CDH8: variants seen among roughly 807,000 people sequenced by gnomAD.
CDH8 encodes the protein cadherin 8.
In CDH8, 17 loss-of-function variants were observed where a neutral mutation model predicts 68.1. The ratio of observed to expected loss-of-function variants is 0.25; its 90% CI spans 0.17 to 0.37. The LOEUF (loss-of-function observed/expected upper bound fraction) is 0.37. CDH8 is among the 10% of genes least tolerant of loss of function. The pLI is 1.00. For synonymous variants in CDH8, 372 were observed against 365.1 expected (o/e 1.02, Z -0.21); for missense variants, 763 against 999.3 (o/e 0.76, Z 3.19).
At chr16:61,985,557 A>G (rs1422812257) in intron 2 of CDH8, among the ~76,000 whole-genome samples, 3 of 152,168 alleles carry the variant, frequency 2.0e-5, no homozygotes, top group Non-Finnish European at 2.9e-5. Flanking sequence ...CAATGGCATG[A>G]TCTTGGCTCA....
chr16:61,917,644 G>T (rs576711211), intron 2 of CDH8, among the ~76,000 whole-genome samples: 1 of 152,176 alleles, frequency 6.6e-6, no homozygotes, highest in South Asian at 2.1e-4. Flanking sequence ...ACATGTTGTA[G>T]CTTGTTATGT....
At chr16:61,978,692 C>G (rs963664534) in intron 2 of CDH8, among the ~76,000 whole-genome samples, 1 of 152,158 alleles carries the variant, frequency 6.6e-6, no homozygotes, top group African/African-American at 2.4e-5. Context: ...CTTGGGCAAG[C>G]TCGTGTATGT....
At chr16:61,673,702 G>T (rs1963840894) in intron 10 of CDH8, among the ~76,000 whole-genome samples, 1 of 152,100 alleles carries the variant, frequency 6.6e-6, no homozygotes, top group South Asian at 2.1e-4. Context: ...GTGAGATTTA[G>T]TGACAAGAGA....
In CDH8 at chr16:61,950,028, C is replaced by T. The variant is rs1964866003; in HGVS notation, c.253-48555G>A. On this transcript the variant is annotated intron_variant, in intron 2 of 11. Coordinates refer to ENST00000577390, the MANE Select transcript of CDH8 (RefSeq NM_001796.5). ...TCCTAAGCTTCATGAACCACTGCAT[C>T]ACACTGGCAGTTGCTATTCCCTGGC... Among the ~76,000 whole-genome samples, 3 of 151,632 alleles carry T rather than the reference C, an allele frequency of 2.0e-5. No homozygotes were observed. The South Asian group carries it at 6.3e-4, about 32-fold the overall frequency.
chr16:61,962,608 A>G (rs1965176705), intron 2 of CDH8, among the ~76,000 whole-genome samples: 1 of 152,174 alleles, frequency 6.6e-6, no homozygotes, highest in Admixed American at 6.5e-5. Flanking sequence ...ATGAGCTTTG[A>G]CTTAAAATTG....
chr16:61,712,850 T>C lies in CDH8; in HGVS notation c.1654+991A>G, dbSNP rs549907744. On this transcript the variant is annotated intron_variant, in intron 10 of 11. Transcript: ENST00000577390. ...TGTTCAAAGGCAAGGCCATAATATA[T>C]TTAGCCATAAAATGTTATTTTACTT... 2.0e-5 allele frequency among the ~76,000 whole-genome samples: 3 copies of C among 151,778 alleles called. No homozygotes were observed. The East Asian group carries it at 5.8e-4, about 29-fold the overall frequency.
intron 3 of CDH8, among the ~76,000 whole-genome samples, chr16:61,890,947 A>G (rs1176099295): frequency 6.6e-6 from 1 of 152,170 alleles, no homozygotes; most frequent in Non-Finnish European, 1.5e-5. Context: ...GAGACAGCTC[A>G]GACAGCCCTA....
At chr16:61,667,160 A>G (rs1188070610) in intron 10 of CDH8, 1 of 151,924 alleles carries the variant, frequency 6.6e-6, no homozygotes, top group Non-Finnish European at 1.5e-5. Context: ...ACTGCTTTCC[A>G]TTTTCTCATT....
Position 61,812,025 on chromosome 16 carries a change from TAA to T in CDH8, c.1277+5452_1277+5453del, listed in dbSNP as rs746496078. On this transcript the variant is annotated intron_variant, in intron 7 of 11. Coordinates refer to ENST00000577390, the MANE Select transcript of CDH8 (RefSeq NM_001796.5). The stretch of plus-strand genomic sequence containing the variant: ...CTATATTGTGCACTTATAAATCTTA[TAA>T]GATAGTGGATCCCTTATTAAGTGCT... Among the ~76,000 whole-genome samples, 41 of 152,242 alleles carry T rather than the reference TAA, an allele frequency of 2.7e-4. 1 individual carries two copies. The highest frequency in any genetic ancestry group is 3.4e-3 in the Middle Eastern group (1 of 294).
chr16:61,803,432 C>T (rs1203136098), intron 7 of CDH8, among the ~76,000 whole-genome samples: 3 of 138,096 alleles, frequency 2.2e-5, no homozygotes, highest in African/African-American at 8.4e-5. Context: ...CACCAGCTAA[C>T]ATCATAATGA....
chr16:61,831,245 G>A (rs1419406815), intron 4 of CDH8, among the ~76,000 whole-genome samples: 2 of 151,700 alleles, frequency 1.3e-5, no homozygotes, highest in African/African-American at 4.8e-5. Context: ...TCTCCATGAA[G>A]TTCATTCAAT....
chr16:61,758,447 T>C (rs1960377828), intron 8 of CDH8, among the ~76,000 whole-genome samples: 1 of 152,164 alleles, frequency 6.6e-6, no homozygotes, highest in African/African-American at 2.4e-5. Context: ...TTTTGTTTTG[T>C]TTGAGATTGA....
Position 61,825,124 on chromosome 16 carries a change from C to T in CDH8, c.723G>A (p.Leu241=). The stretch of plus-strand genomic sequence containing the variant: ...CCATATCTTTGGCTTGGATAACAAC[C>T]AGGTACTCCTCCTTGGCTTCTCTGT... ...NMDREAKEEY[L]VVIQAKDMGG... Residue 241 remains leucine, a synonymous_variant, in exon 5 of 12, where the codon CTG becomes CTA. Transcript: ENST00000577390. 1 of 1,611,892 alleles carries T rather than the reference C, an allele frequency of 6.2e-7. No homozygotes were observed. The highest frequency in any genetic ancestry group is 1.7e-4 in the Middle Eastern group (1 of 6,048).
intron 3 of CDH8, among the ~76,000 whole-genome samples, chr16:61,864,560 A>C (rs1963218211): frequency 6.6e-6 from 1 of 152,132 alleles, no homozygotes; most frequent in African/African-American, 2.4e-5. Context: ...AGCATGCCCT[A>C]AATTCTACCA....
intron 4 of CDH8, among the ~76,000 whole-genome samples, chr16:61,834,808 C>T (rs1962532615): frequency 6.6e-6 from 1 of 151,808 alleles, no homozygotes; most frequent in Non-Finnish European, 1.5e-5. Flanking sequence ...GAAAACAATT[C>T]ATTTTCCACA....
intron 3 of CDH8, among the ~76,000 whole-genome samples, chr16:61,889,860 T>A (rs1204620589): frequency 6.6e-6 from 1 of 152,178 alleles, no homozygotes; most frequent in Non-Finnish European, 1.5e-5. Context: ...GAAAACAGGA[T>A]CATGGGGTTG....
intron 10 of CDH8, among the ~76,000 whole-genome samples, chr16:61,710,009 A>G (rs910136749): frequency 6.6e-6 from 1 of 152,150 alleles, no homozygotes; most frequent in African/African-American, 2.4e-5. Context: ...TAAAGCTTCA[A>G]AGAGACCTGG....
rs541095409 is a variant in CDH8 at position 61,647,758 on chromosome 16, A to G, written c.*5850T>C. 3 of 697,106 alleles carry G rather than the reference A, an allele frequency of 4.3e-6. No individual in the cohort carries two copies. The African/African-American group carries it at 5.3e-5, about 12-fold the overall frequency. The allele number at this position is 697,106 out of a possible 1,614,324, so 43.2% of individuals were successfully genotyped here. A position where few individuals can be genotyped will look rare whatever the true frequency, so the allele number is the denominator to read the frequency against. ...ACAGAAGAAATCCCAAGAAATTAAC[A>G]TTTGGCTTTGGTGACCTCTCATTTC... On this transcript the variant is annotated 3_prime_UTR_variant, in exon 12 of 12. Transcript: ENST00000577390.
At chr16:61,696,226 C>T (rs1964322852) in intron 10 of CDH8, among the ~76,000 whole-genome samples, 1 of 152,164 alleles carries the variant, frequency 6.6e-6, no homozygotes, top group Non-Finnish European at 1.5e-5. Flanking sequence ...TTTTCACAGC[C>T]TAACTTGCTT....
Sources: gnomAD v4.1 joint callset for allele counts (sites outside exome capture counted in the v4.1 genomes callset) on GRCh38, gnomAD v4.1.1 for gene constraint, MANE v1.5 for transcripts, NCBI Gene and HGNC (gene_info 2026-07-23, HGNC 2026-07-21) for gene names.